Variants in CLIP1 observed in about 807,000 individuals in gnomAD.
CLIP1 encodes the protein CAP-Gly domain-containing linker protein 1.
In CLIP1, 66 loss-of-function variants were observed where a neutral mutation model predicts 161.6. The observed-to-expected ratio is 0.41, with a 90% CI of 0.33 to 0.50. The LOEUF (loss-of-function observed/expected upper bound fraction) is 0.50, where lower values mean the gene tolerates loss of function less well. CLIP1 is among the 20% of genes least tolerant of loss of function. The pLI, the probability that CLIP1 is intolerant of heterozygous loss-of-function variation, is 0.27. For synonymous variants in CLIP1, 598 were observed against 626.2 expected, an observed-to-expected ratio of 0.96 and a Z score of 0.67; for missense variants, 1,376 against 1,702.0, an observed-to-expected ratio of 0.81 and a Z score of 3.37.
chr12:122,304,808 G>C (rs1388488206), intron 20 of CLIP1, among the ~76,000 whole-genome samples: 2 of 152,198 alleles, frequency 1.3e-5, no homozygotes, highest in African/African-American at 4.8e-5. Flanking sequence ...ATCAGCCCTA[G>C]TTGCCCAGAA....
At chr12:122,356,818 TTGG>T (rs1953402441) in intron 5 of CLIP1, among the ~76,000 whole-genome samples, 1 of 152,192 alleles carries the variant, frequency 6.6e-6, no homozygotes, top group Non-Finnish European at 1.5e-5. Context: ...TCGTATTTTT[TTGG>T]TGGAGACGGG....
chr12:122,278,330 C>T (rs1955515619), intron 23 of CLIP1, 127 bp from the exon 24 acceptor site: 1 of 836,256 alleles, frequency 1.2e-6, no homozygotes, highest in Non-Finnish European at 1.9e-6. Flanking sequence ...TTCCCAGATG[C>T]ACCACTTTCA....
intron 14 of CLIP1, 74 bp downstream of exon 14, chr12:122,333,953 A>G (rs1229729295): frequency 1.8e-5 from 16 of 874,076 alleles, no homozygotes; most frequent in African/African-American, 1.7e-4. Flanking sequence ...TTTGTTATGT[A>G]ACATACTACA....
At chr12:122,304,539 G>T (rs12828234) in intron 20 of CLIP1, among the ~76,000 whole-genome samples, 67,672 of 151,856 alleles carry the variant, frequency 0.45, 17,082 homozygotes, top group African/African-American at 0.68. Flanking sequence ...TTTTGTATTT[G>T]TTATTAGAGA....
chr12:122,277,962 G>C (rs940411134), intron 24 of CLIP1, 192 bp downstream of exon 24: 3 of 614,336 alleles, frequency 4.9e-6, no homozygotes, highest in African/African-American at 1.9e-5. Context: ...GAGCAGAAGA[G>C]AGAGAAGGTT....
At chr12:122,288,430 T>C (rs373737623) in intron 21 of CLIP1, 59 bp downstream of exon 21, 43 of 1,426,836 alleles carry the variant, frequency 3.0e-5, no homozygotes, top group East Asian at 1.6e-4. Context: ...TTACCACACA[T>C]ATCATGTTCT....
intron 20 of CLIP1, among the ~76,000 whole-genome samples, chr12:122,289,689 A>C (rs1956016050): frequency 6.6e-6 from 1 of 152,250 alleles, no homozygotes; most frequent in Non-Finnish European, 1.5e-5. Flanking sequence ...TATCTCATGA[A>C]GGATAAAAAA....
intron 14 of CLIP1, 141 bp from the exon 15 acceptor site, chr12:122,333,284 A>G: frequency 1.6e-6 from 1 of 638,964 alleles, no homozygotes; most frequent in Non-Finnish European, 2.7e-6. Flanking sequence ...AAGGCACACA[A>G]TAAGCAAGAT....
chr12:122,371,973 G>A (rs936030266), intron 3 of CLIP1, among the ~76,000 whole-genome samples: 2 of 152,094 alleles, frequency 1.3e-5, no homozygotes, highest in Non-Finnish European at 2.9e-5. Context: ...TTTAGAACTG[G>A]GAAACTGAAA....
In CLIP1 at chr12:122,377,642, T is replaced by C. The variant is rs769639296; in HGVS notation, c.404A>G (p.Asn135Ser). The change falls in exon 3 of 26, where the codon AAT becomes AGT. Residue 135 changes from asparagine to serine, a missense_variant. Transcript: ENST00000620786. ...GGAGGCGGGCGTTGTCTGCAGGCCA[T>C]TAGCTTCATCTTCTGCTTGCACCTT... ...TRKVQAEDEA[N>S]GLQTTPASRA... 4.5e-5 allele frequency: 73 copies of C among 1,613,608 alleles called. No individual in the cohort carries two copies. Among genetic ancestry groups the C allele is most frequent in the Non-Finnish European group, 6.0e-5 (71 of 1,179,978 alleles).
chr12:122,360,851 A>G, intron 5 of CLIP1, 108 bp downstream of exon 5: 1 of 892,868 alleles, frequency 1.1e-6, no homozygotes, highest in South Asian at 2.1e-5. Context: ...TGTGAGCAAC[A>G]TTCAGCACAA....
chr12:122,319,190 G>A (rs1593054915), intron 18 of CLIP1, 42 bp downstream of exon 18: 1 of 1,316,698 alleles, frequency 7.6e-7, no homozygotes, highest in Non-Finnish European at 1.1e-6. Flanking sequence ...TACCAAGTTG[G>A]TAAGCTGTTC....
In CLIP1 at chr12:122,320,544, T is replaced by C. The variant is rs138544825; in HGVS notation, c.3250-1196A>G. ...ATCACAAGGTCAGGAGTCAATATGG[T>C]GAAACCCAGTCCCTACTAAAAATAC... On this transcript the variant is annotated intron_variant, in intron 17 of 25. Transcript: ENST00000620786. 2.7e-3 allele frequency among the ~76,000 whole-genome samples: 412 copies of C among 151,712 alleles called. 2 individuals carry two copies. Among genetic ancestry groups the C allele is most frequent in the African/African-American group, 9.6e-3 (396 of 41,444 alleles).
chr12:122,301,730 G>A (rs1950686704), intron 20 of CLIP1, among the ~76,000 whole-genome samples: 1 of 152,154 alleles, frequency 6.6e-6, no homozygotes, highest in East Asian at 1.9e-4. Flanking sequence ...ACAGCTGTGT[G>A]CTTAGCTCTC....
At chr12:122,397,142 G>T (rs1312634740) in intron 1 of CLIP1, among the ~76,000 whole-genome samples, 1 of 151,716 alleles carries the variant, frequency 6.6e-6, no homozygotes, top group Non-Finnish European at 1.5e-5. Context: ...ATGATCACGT[G>T]ACTGAGTTCT....
chr12:122,306,998 CTTTTTTTTTTTT>C (rs56949793), intron 20 of CLIP1, among the ~76,000 whole-genome samples: 29 of 81,012 alleles, frequency 3.6e-4, no homozygotes, highest in East Asian at 6.7e-4. Flanking sequence ...GGTAAGTTCA[CTTTTTTTTTTTT>C]TTTTTTTTTT....
intron 11 of CLIP1, 59 bp from the exon 12 acceptor site, chr12:122,336,807 T>C (rs1952246332): frequency 7.0e-6 from 5 of 713,358 alleles, no homozygotes; most frequent in African/African-American, 3.7e-5. Flanking sequence ...CAAAAGAGAA[T>C]GAGAAGAAAA....
chr12:122,278,040 C>T, intron 24 of CLIP1, 114 bp downstream of exon 24: 5 of 880,654 alleles, frequency 5.7e-6, no homozygotes, highest in Non-Finnish European at 5.5e-6. Context: ...AATGCATTAC[C>T]AATTCAAAAG....
At chr12:122,334,800 T>C (rs2136290277) in intron 12 of CLIP1, 95 bp from the exon 13 acceptor site, 2 of 770,300 alleles carry the variant, frequency 2.6e-6, no homozygotes, top group Middle Eastern at 3.6e-4. Context: ...TGTCTACTTT[T>C]TGTTGCTGGT....
Sources: gnomAD v4.1 joint callset for allele counts (sites outside exome capture counted in the v4.1 genomes callset) on GRCh38, gnomAD v4.1.1 for gene constraint, MANE v1.5 for transcripts, NCBI Gene and HGNC (gene_info 2026-07-23, HGNC 2026-07-21) for gene names.